The following DYSF variants were observed in gnomAD, a reference collection of about 807,000 sequenced individuals.
DYSF encodes the protein dystrophy-associated fer-1-like 1.
DYSF carries 212 observed loss-of-function variants against 274.9 expected under a neutral mutation model. The ratio of observed to expected loss-of-function variants is 0.77; its 90% CI spans 0.69 to 0.86. The LOEUF is 0.86. Among genes scored for constraint, DYSF ranks in the 40% least tolerant of loss-of-function variants. The probability of loss-of-function intolerance (pLI) is 0.00; values close to 1 mark genes in which losing one functional copy is unlikely to be tolerated. For synonymous variants in DYSF, 1,091 were observed against 1,078.7 expected (o/e 1.01, Z -0.22); for missense variants, 2,666 against 2,783.2 (o/e 0.96, Z 0.95).
chr2:71,643,541 T>A (rs1202501920), intron 41 of DYSF, among the ~76,000 whole-genome samples: 1 of 152,192 alleles, frequency 6.6e-6, no homozygotes, highest in Non-Finnish European at 1.5e-5. Context: ...CTGGATCTAC[T>A]GCATTTTGTT....
At chr2:71,658,770 T>G in intron 43 of DYSF, 108 bp from the exon 44 acceptor site, 1 of 1,397,602 alleles carries the variant, frequency 7.2e-7, no homozygotes, top group Non-Finnish European at 1.0e-6. Context: ...TCCCACAACA[T>G]GTGGGAATTC....
At chr2:71,522,709 TA>T (rs1286780538) in intron 12 of DYSF, among the ~76,000 whole-genome samples, 2 of 152,180 alleles carry the variant, frequency 1.3e-5, no homozygotes, top group Non-Finnish European at 2.9e-5. Flanking sequence ...CCCTCTAACT[TA>T]TTATAGTAAA....
chr2:71,578,653 T>C (rs1385615379), intron 30 of DYSF, among the ~76,000 whole-genome samples: 2 of 152,114 alleles, frequency 1.3e-5, no homozygotes, highest in Non-Finnish European at 2.9e-5. Context: ...GGAAAGACCG[T>C]GGGTGGAAGC....
chr2:71,454,599 C>A (rs915787855), intron 1 of DYSF, among the ~76,000 whole-genome samples: 1 of 152,184 alleles, frequency 6.6e-6, no homozygotes, highest in Non-Finnish European at 1.5e-5. Context: ...CCTTGCTTTG[C>A]GCACAGGATG....
chr2:71,539,361 C>T, intron 17 of DYSF, 122 bp downstream of exon 17: 2 of 808,494 alleles, frequency 2.5e-6, no homozygotes, highest in Non-Finnish European at 4.2e-6. Flanking sequence ...GCCTCTGTTG[C>T]CCATTTTCCA....
intron 14 of DYSF, among the ~76,000 whole-genome samples, chr2:71,530,204 C>T (rs902328924): frequency 3.3e-5 from 5 of 151,742 alleles, no homozygotes; most frequent in Non-Finnish European, 5.9e-5. Flanking sequence ...CAGGAAGCTG[C>T]GGCTGTACGT....
chr2:71,662,009 G>C (rs1221966866), intron 45 of DYSF, among the ~76,000 whole-genome samples: 3 of 152,170 alleles, frequency 2.0e-5, no homozygotes, highest in Non-Finnish European at 1.5e-5. Context: ...GGCAGGGCCT[G>C]TTCCACAGTG....
rs139745276 is a variant in DYSF at position 71,685,876 on chromosome 2, G to T, written c.6322-578G>T. On this transcript the variant is annotated intron_variant, in intron 55 of 55. Coordinates refer to ENST00000410020, the MANE Select transcript of DYSF (RefSeq NM_001130987.2). ...GGAGAAGTGGGGAGGGGAGGATACT[G>T]TCAATCCTGCAGCAGGCAGGGCTCA... Among the ~76,000 whole-genome samples the T allele has an allele frequency of 1.9e-3, 289 of 152,304 alleles. 3 individuals are homozygous for T. Among genetic ancestry groups the T allele is most frequent in the Admixed American group, 4.1e-3 (62 of 15,300 alleles).
chr2:71,490,722 A>G (rs891080165), intron 3 of DYSF, among the ~76,000 whole-genome samples: 7 of 152,214 alleles, frequency 4.6e-5, no homozygotes, highest in Non-Finnish European at 1.0e-4. Flanking sequence ...GAATTATGCT[A>G]TATGTATTGG....
intron 41 of DYSF, among the ~76,000 whole-genome samples, chr2:71,640,844 G>A (rs151309035): frequency 6.6e-6 from 1 of 152,134 alleles, no homozygotes; most frequent in Non-Finnish European, 1.5e-5. Context: ...AACAAAGAAT[G>A]ATTTATTCTT....
chr2:71,493,002 C>G (rs1158237569), intron 3 of DYSF, among the ~76,000 whole-genome samples: 1 of 152,044 alleles, frequency 6.6e-6, no homozygotes, highest in African/African-American at 2.4e-5. Context: ...CTACCTCAGC[C>G]TTCCAAGTAG....
intron 52 of DYSF, among the ~76,000 whole-genome samples, chr2:71,675,914 A>G (rs754317687): frequency 2.0e-5 from 3 of 152,148 alleles, no homozygotes; most frequent in African/African-American, 7.2e-5. Flanking sequence ...ATGGATTTCT[A>G]TTACACAGAC....
At chr2:71,590,125 G>C in intron 31 of DYSF, 86 bp from the exon 32 acceptor site, 7 of 1,362,018 alleles carry the variant, frequency 5.1e-6, no homozygotes. Flanking sequence ...GCCCTTTCTA[G>C]GGACAGACTC....
chr2:71,507,174 C>G, intron 4 of DYSF, among the ~76,000 whole-genome samples: 1 of 152,260 alleles, frequency 6.6e-6, no homozygotes, highest in East Asian at 1.9e-4. Flanking sequence ...CCACCTCTCA[C>G]AGAGATGGTG....
intron 43 of DYSF, 88 bp from the exon 44 acceptor site, chr2:71,658,790 C>G: frequency 6.5e-7 from 1 of 1,532,922 alleles, no homozygotes; most frequent in East Asian, 2.3e-5. Context: ...CTGGGAGATA[C>G]AATTCAAGTT....
In DYSF at chr2:71,606,538, G is replaced by T. The variant is rs930226701; in HGVS notation, c.3957+3733G>T. On this transcript the variant is annotated intron_variant, in intron 36 of 55. Coordinates refer to ENST00000410020, the MANE Select transcript of DYSF (RefSeq NM_001130987.2). ...CACTGAGAATTACTGTCCTGGAGAG[G>T]GGGTGCTGTGCCCCTCAAGTGGGCT... 3.2e-4 allele frequency among the ~76,000 whole-genome samples: 48 copies of T among 152,098 alleles called. 1 individual carries two copies. The highest frequency in any genetic ancestry group is 2.6e-3 in the Admixed American group (40 of 15,280).
rs762862531 is a variant in DYSF, at chr2:71,513,817, A to G, written c.655A>G (p.Arg219Gly). 1.2e-6 allele frequency: 2 copies of G among 1,614,208 alleles called. No individual in the cohort carries two copies. Among genetic ancestry groups the G allele is most frequent in the Non-Finnish European group, 1.7e-6 (2 of 1,180,016 alleles). ...SGGPGAPTTPRKLPSRPPPHY... is the reference protein window; with the variant it reads ...SGGPGAPTTPGKLPSRPPPHY... The stretch of plus-strand genomic sequence containing the variant: ...AGGCCCGGGGGCTCCCACCACCCCA[A>G]GGAAACTACCTTCACGTCCTCCGCC... The change falls in exon 7 of 56, where the codon AGG (arginine) becomes GGG (glycine). Residue 219 changes from arginine (R) to glycine (G), a missense_variant. Arg to Gly is a moderately radical substitution (Grantham distance 125). Coordinates refer to ENST00000410020, the MANE Select transcript of DYSF (RefSeq NM_001130987.2).
At chr2:71,486,283 C>T (rs2083355564) in intron 3 of DYSF, among the ~76,000 whole-genome samples, 2 of 152,106 alleles carry the variant, frequency 1.3e-5, no homozygotes, top group African/African-American at 4.8e-5. Flanking sequence ...CTTGCCTCCC[C>T]TCCCTCTTCC....
chr2:71,656,863 G>A (rs1019649610), intron 43 of DYSF, among the ~76,000 whole-genome samples: 22 of 152,146 alleles, frequency 1.4e-4, no homozygotes, highest in African/African-American at 4.8e-4. Context: ...GGAATTCTGG[G>A]AGATACAATT....
Sources: gnomAD v4.1 joint callset for allele counts (sites outside exome capture counted in the v4.1 genomes callset) on GRCh38, gnomAD v4.1.1 for gene constraint, MANE v1.5 for transcripts, NCBI Gene and HGNC (gene_info 2026-07-23, HGNC 2026-07-21) for gene names.